GALK1: variants seen among roughly 807,000 people sequenced by gnomAD.
GALK1 encodes galactokinase.
In GALK1, 30 loss-of-function variants were observed where a neutral mutation model predicts 38.6. That is an observed-to-expected ratio of 0.78 (90% CI 0.58 to 1.05). The LOEUF (loss-of-function observed/expected upper bound fraction) is 1.05, where lower values mean the gene tolerates loss of function less well. Among genes scored for constraint, GALK1 ranks in the 50% least tolerant of loss-of-function variants. The pLI is 0.00. For synonymous variants in GALK1, 240 were observed against 233.6 expected, an observed-to-expected ratio of 1.03 and a Z score of -0.25; for missense variants, 512 against 540.5, an observed-to-expected ratio of 0.95 and a Z score of 0.52.
chr17:75,758,641 T>C (rs760302430), intron 5 of GALK1, 42 bp from the exon 6 acceptor site: 3 of 1,557,764 alleles, frequency 1.9e-6, no homozygotes, highest in Non-Finnish European at 2.6e-6. Flanking sequence ...TCTCACTGCC[T>C]GGGGCCCCGA....
At chr17:75,756,279 C>T (rs1568386401), downstream of GALK1, 8 of 757,812 alleles carry the variant, frequency 1.1e-5, no homozygotes, top group South Asian at 1.1e-4. Context: ...AACAACCAGC[C>T]ATACCATACT....
At chr17:75,756,294 C>A, downstream of GALK1, 1 of 909,682 alleles carries the variant, frequency 1.1e-6, no homozygotes, top group Non-Finnish European at 1.7e-6. Flanking sequence ...CATACTGTAC[C>A]CAACCTGTAC....
At position 75,765,044 on chromosome 17, in the gene GALK1, G is replaced by A. The variant is rs1165544582; in HGVS notation, c.93C>T (p.Ala31=). Residue 31 remains alanine, a synonymous_variant, in exon 1 of 8, where the codon GCC becomes GCT. Coordinates refer to ENST00000588479, the MANE Select transcript of GALK1 (RefSeq NM_000154.2). ...REEFGAEPEL[A]VSAPGRVNLI... is the part of the protein sequence containing the mutation. ...GGTTGACGCGGCCCGGCGCTGACACGGCCAGCTCGGGCTCGGCCCCGAACT... is the reference window on the plus strand; with the variant it reads ...GGTTGACGCGGCCCGGCGCTGACACAGCCAGCTCGGGCTCGGCCCCGAACT... The A allele has an allele frequency of 6.2e-7, 1 of 1,607,358 alleles. No homozygotes were observed. The highest frequency in any genetic ancestry group is 1.7e-4 in the Middle Eastern group (1 of 6,052).
chr17:75,758,258 C>T lies in GALK1; in HGVS notation c.1059G>A (p.Val353=). The change falls in exon 7 of 8, where the codon GTG becomes GTA. Residue 353 remains valine (V), a synonymous_variant. Transcript: ENST00000588479. The part of the protein sequence containing the change: ...MTGGGFGGCT[V]TLLEASAAPH... ...GAGCAGCGGAGGCCTCCAGCAGTGT[C>T]ACCGTGCAGCCACCGAAGCCACCGC... 1.3e-6 allele frequency: 2 copies of T among 1,598,738 alleles called. No individual in the cohort carries two copies. The highest frequency in any genetic ancestry group is 1.7e-6 in the Non-Finnish European group (2 of 1,173,778).
At chr17:75,761,737 G>C (rs1275366787) in intron 5 of GALK1, among the ~76,000 whole-genome samples, 1 of 148,946 alleles carries the variant, frequency 6.7e-6, no homozygotes, top group Admixed American at 6.7e-5. Flanking sequence ...AAAAAAAAGA[G>C]ACCGGCACTA....
downstream of GALK1, chr17:75,755,982 G>C (rs2061490882): frequency 1.8e-6 from 2 of 1,134,740 alleles, no homozygotes; most frequent in Non-Finnish European, 2.5e-6. Context: ...CATCCAGCCT[G>C]AGAGGGTCTC....
At chr17:75,756,407 T>G (rs1399921013), downstream of GALK1, 1 of 1,612,700 alleles carries the variant, frequency 6.2e-7, no homozygotes, top group African/African-American at 1.3e-5. Flanking sequence ...CACTACTGTG[T>G]GCCCCCACCT....
chr17:75,754,399 C>T (rs2061438959), downstream of GALK1: 3 of 714,744 alleles, frequency 4.2e-6, no homozygotes, highest in Non-Finnish European at 7.0e-6. Flanking sequence ...CCTGGGTGGC[C>T]CTTGGGCTCC....
At chr17:75,757,716 G>A, downstream of GALK1, 1 of 984,722 alleles carries the variant, frequency 1.0e-6, no homozygotes, top group East Asian at 2.6e-5. Flanking sequence ...AGGGGGCAAG[G>A]TCCGTCCTCT....
downstream of GALK1, among the ~76,000 whole-genome samples, chr17:75,753,596 G>A (rs1389590151): frequency 6.6e-6 from 1 of 152,162 alleles, no homozygotes; most frequent in Non-Finnish European, 1.5e-5. Flanking sequence ...CACCTGCCGC[G>A]GCCTTCCCGC....
At chr17:75,756,885 T>C, downstream of GALK1, 1 of 1,610,932 alleles carries the variant, frequency 6.2e-7, no homozygotes, top group South Asian at 1.1e-5. Flanking sequence ...GGGGCAGGAG[T>C]GGCCAGGGGA....
chr17:75,753,747 C>A, downstream of GALK1: 4 of 1,408,472 alleles, frequency 2.8e-6, no homozygotes, highest in Non-Finnish European at 2.8e-6. Context: ...GCCAACGCGG[C>A]CCTTCGTTGT....
At chr17:75,755,651 T>A (rs778987445), downstream of GALK1, 6 of 1,609,260 alleles carry the variant, frequency 3.7e-6, no homozygotes, top group Middle Eastern at 1.6e-4. Context: ...TGACTCCCAC[T>A]GAGACCCTAG....
chr17:75,754,493 C>T, downstream of GALK1: 2 of 1,575,080 alleles, frequency 1.3e-6, no homozygotes, highest in Non-Finnish European at 1.7e-6. Context: ...GGTGGGTGAC[C>T]AGGAATGTGC....
chr17:75,759,258 T>C (rs1397215414), intron 5 of GALK1, among the ~76,000 whole-genome samples: 1 of 151,772 alleles, frequency 6.6e-6, no homozygotes, highest in Non-Finnish European at 1.5e-5. Flanking sequence ...CGAAACCCCG[T>C]CTCTACTAAA....
Position 75,763,114 on chromosome 17 carries a change from G to A in GALK1, c.511C>T (p.Gln171Ter), listed in dbSNP as rs1224897096. Residue 171 changes from glutamine (Q) to a stop codon, truncating the protein, a stop_gained, in exon 4 of 8, where the codon CAG becomes TAG. Transcript: ENST00000588479. LOFTEE classifies it high-confidence loss of function. ...CCTGCGAAGCTGTGCTCGGCCTGCTGACACACCTGGGCGCGGGCAGCTATT... is the reference window on the plus strand; with the variant it reads ...CCTGCGAAGCTGTGCTCGGCCTGCTAACACACCTGGGCGCGGGCAGCTATT... ...GTIAARAQVC[Q>*]QAEHSFAGMP... 1 of 1,612,268 alleles carries A rather than the reference G, an allele frequency of 6.2e-7. No individual in the cohort carries two copies.
chr17:75,756,440 C>G, downstream of GALK1: 1 of 1,613,246 alleles, frequency 6.2e-7, no homozygotes, highest in Admixed American at 1.7e-5. Context: ...TGAGCTGCAT[C>G]GGCTCAACAT....
At chr17:75,763,658 GT>G in intron 2 of GALK1, 1 of 695,208 alleles carries the variant, frequency 1.4e-6, no homozygotes, top group Non-Finnish European at 2.4e-6. Context: ...TGTCCTCCTG[GT>G]TTAGGGCTCT....
At chr17:75,757,499 C>A, downstream of GALK1, 1 of 1,613,228 alleles carries the variant, frequency 6.2e-7, no homozygotes, top group South Asian at 1.1e-5. Flanking sequence ...GAGCCGGACA[C>A]TGACCACCAG....
Sources: allele counts gnomAD v4.1 joint callset (sites outside exome capture counted in the v4.1 genomes callset), GRCh38; gene constraint gnomAD v4.1.1; transcripts MANE v1.5; gene names NCBI Gene and HGNC (gene_info 2026-07-23, HGNC 2026-07-21).